The following ZNF518B variants were observed in gnomAD, a reference collection of about 807,000 sequenced individuals.
ZNF518B encodes zinc finger protein 518B.
ZNF518B carries 23 observed loss-of-function variants against 56.3 expected under a neutral mutation model. The ratio of observed to expected loss-of-function variants is 0.41; its 90% CI spans 0.29 to 0.58. The LOEUF (loss-of-function observed/expected upper bound fraction) is 0.58, where lower values mean the gene tolerates loss of function less well. Ranked by LOEUF, ZNF518B falls within the 20% of genes least tolerant of loss-of-function variation. ZNF518B has a pLI of 0.32. For synonymous variants in ZNF518B, 529 were observed against 465.9 expected (o/e 1.14, Z -1.74); for missense variants, 1,460 against 1,272.1 (o/e 1.15, Z -2.25).
intron 2 of ZNF518B, chr4:10,451,657 C>A (rs1715316739): frequency 6.6e-6 from 1 of 152,138 alleles, no homozygotes; most frequent in African/African-American, 2.4e-5. Flanking sequence ...TGCCCTGAAT[C>A]TCACTTTATA....
chr4:10,448,014 T>C (rs1026920935), intron 2 of ZNF518B, among the ~76,000 whole-genome samples: 1 of 152,168 alleles, frequency 6.6e-6, no homozygotes, highest in African/African-American at 2.4e-5. Flanking sequence ...ACTAGGAGCA[T>C]AACAAAATCC....
chr4:10,451,363 T>C (rs1267680152), intron 2 of ZNF518B: 3 of 152,206 alleles, frequency 2.0e-5, no homozygotes, highest in East Asian at 1.9e-4. Flanking sequence ...TGTTTAAAGG[T>C]AGAGATTCTG....
At chr4:10,448,898 G>A (rs939866122) in intron 2 of ZNF518B, among the ~76,000 whole-genome samples, 1 of 152,188 alleles carries the variant, frequency 6.6e-6, no homozygotes, top group Non-Finnish European at 1.5e-5. Context: ...AAGGAAGACA[G>A]AAGTAACTCC....
At position 10,446,030 on chromosome 4, in the gene ZNF518B, A is replaced by G. The variant is rs1269388723; in HGVS notation, c.299T>C (p.Phe100Ser). The change falls in exon 3 of 3, where the codon TTT becomes TCT. Residue 100 changes from phenylalanine (F) to serine (S), a missense_variant. By Grantham distance (155) the Phe-to-Ser change is radical. Transcript: ENST00000326756. ...SLGAAPPNFH[F>S]VSNNSSATHV... ...AGTCGCACTGGAATTATTGCTCACA[A>G]AATGAAAATTGGGAGGAGCTGCACC... The G allele has an allele frequency of 6.2e-7, 1 of 1,614,168 alleles. No homozygotes were observed. Among genetic ancestry groups the G allele is most frequent in the Non-Finnish European group, 8.5e-7 (1 of 1,180,046 alleles).
At chr4:10,450,427 G>C (rs1715252259) in intron 2 of ZNF518B, among the ~76,000 whole-genome samples, 1 of 152,194 alleles carries the variant, frequency 6.6e-6, no homozygotes, top group Admixed American at 6.5e-5. Context: ...CCTGTGTCTA[G>C]TAACAGAGGG....
At chr4:10,453,013 GAAT>G (rs1715385400) in intron 2 of ZNF518B, 1 of 152,244 alleles carries the variant, frequency 6.6e-6, no homozygotes, top group African/African-American at 2.4e-5. Context: ...ACACAGTAGA[GAAT>G]AATGACCTTG....
chr4:10,446,198 A>T lies in ZNF518B; in HGVS notation c.131T>A (p.Leu44Ter). Residue 44 changes from leucine (L) to a stop codon, truncating the protein, a stop_gained, in exon 3 of 3, where the codon TTG becomes TAG. Coordinates refer to ENST00000326756, the MANE Select transcript of ZNF518B (RefSeq NM_053042.3). LOFTEE classifies it low-confidence loss of function (END_TRUNC). ...AGCCTCTGCCTCTGAGCCTTGATACAAAAGGGTTTGTGCTTCTTGTCTATT... is the reference window on the plus strand; with the variant it reads ...AGCCTCTGCCTCTGAGCCTTGATACTAAAGGGTTTGTGCTTCTTGTCTATT... ...RPNRQEAQTL[L>*]YQGSEAEAAM... is the part of the protein sequence containing the mutation. 6.2e-7 allele frequency: 1 copy of T among 1,614,190 alleles called. No homozygotes were observed. The highest frequency in any genetic ancestry group is 8.5e-7 in the Non-Finnish European group (1 of 1,180,040).
In ZNF518B at chr4:10,444,137, C is replaced by T. The variant is rs745757196; in HGVS notation, c.2192G>A (p.Gly731Asp). 2.5e-6 allele frequency: 4 copies of T among 1,614,100 alleles called. No individual in the cohort carries two copies. Among genetic ancestry groups the T allele is most frequent in the East Asian group, 4.5e-5 (2 of 44,898 alleles). ...AAGCTGTCTATTACCAGTAATACCA[C>T]CATCATTCGGAGGTTTCTGAAGAGT... ...TGTLQKPPND[G>D]GITGNRQLTH... The change falls in exon 3 of 3, where the codon GGT becomes GAT. Residue 731 changes from glycine (G) to aspartate (D), a missense_variant. Gly to Asp is a moderately conservative substitution (Grantham distance 94, BLOSUM62 -1). Coordinates refer to ENST00000326756, the MANE Select transcript of ZNF518B (RefSeq NM_053042.3).
At position 10,444,756 on chromosome 4, in the gene ZNF518B, G is replaced by GT. The variant is rs868656423; in HGVS notation, c.1572dup (p.Gln525ThrfsTer26). The GT allele has an allele frequency of 6.2e-7, 1 of 1,613,806 alleles. No individual in the cohort carries two copies. Among genetic ancestry groups the GT allele is most frequent in the African/African-American group, 1.3e-5 (1 of 75,046 alleles). On this transcript the variant is annotated frameshift_variant, in exon 3 of 3. Transcript: ENST00000326756. LOFTEE classifies it high-confidence loss of function. ...GATGCAGCAAATGGGAGTAACTGCT[G>GT]TGAGCTACTGTGTAAATTTCTTCCA... is the stretch of plus-strand genomic sequence containing the variant.
chr4:10,448,416 C>T (rs576818971), intron 2 of ZNF518B, among the ~76,000 whole-genome samples: 3 of 152,144 alleles, frequency 2.0e-5, no homozygotes, highest in East Asian at 1.9e-4. Flanking sequence ...GCAACAGTAA[C>T]GCACTCAGAT....
intron 2 of ZNF518B, among the ~76,000 whole-genome samples, chr4:10,448,360 G>A (rs1474527184): frequency 2.6e-5 from 4 of 152,214 alleles, no homozygotes; most frequent in South Asian, 2.1e-4. Context: ...CTGAAAGACC[G>A]ACGTCGGGGA....
upstream of ZNF518B, among the ~76,000 whole-genome samples, chr4:10,461,341 C>G (rs773336471): frequency 3.3e-4 from 50 of 152,202 alleles, no homozygotes; most frequent in Non-Finnish European, 6.8e-4. Context: ...CCGCGGCTGC[C>G]GCGGAAGCGC....
chr4:10,450,277 GTTTGAA>G (rs1715246053), intron 2 of ZNF518B, among the ~76,000 whole-genome samples: 2 of 152,210 alleles, frequency 1.3e-5, no homozygotes, highest in South Asian at 4.1e-4. Flanking sequence ...TATGTCACCT[GTTTGAA>G]AGTATCTTCT....
intron 2 of ZNF518B, chr4:10,453,858 T>C (rs984184917): frequency 5.3e-5 from 8 of 152,224 alleles, no homozygotes; most frequent in African/African-American, 1.7e-4. Flanking sequence ...ATTAGGGCAA[T>C]TGGCCTGTCA....
chr4:10,443,576 T>C lies in ZNF518B; in HGVS notation c.2753A>G (p.Gln918Arg). The C allele has an allele frequency of 6.2e-7, 1 of 1,614,220 alleles. No individual in the cohort carries two copies. Among genetic ancestry groups the C allele is most frequent in the African/African-American group, 1.3e-5 (1 of 75,066 alleles). The part of the protein sequence containing the change: ...SRCLKDPSIF[Q>R]VARQLRLIAA... ...TATCAGTCTTAGTTGCCTTGCAACCTGAAAAATTGAAGGATCCTTGAGACA... is the reference window on the plus strand; with the variant it reads ...TATCAGTCTTAGTTGCCTTGCAACCCGAAAAATTGAAGGATCCTTGAGACA... The change falls in exon 3 of 3, where the codon CAG (glutamine) becomes CGG (arginine). Residue 918 changes from glutamine (Q) to arginine (R), a missense_variant. Gln to Arg is a conservative substitution (Grantham distance 43). Transcript: ENST00000326756.
rs1264892948 is a variant in ZNF518B at position 10,441,495 on chromosome 4, G to A, written c.*1609C>T. 6.6e-6 allele frequency: 1 copy of A among 151,960 alleles called. No homozygotes were observed. Among genetic ancestry groups the A allele is most frequent in the Non-Finnish European group, 1.5e-5 (1 of 67,990 alleles). 9.4% of individuals were successfully genotyped at this position (151,960 alleles called of 1,614,324 possible). A position where few individuals can be genotyped will look rare whatever the true frequency, so the allele number is the denominator to read the frequency against. On this transcript the variant is annotated 3_prime_UTR_variant, in exon 3 of 3. Coordinates refer to ENST00000326756, the MANE Select transcript of ZNF518B (RefSeq NM_053042.3). ...TCGACTACCCAATAAACAATCACTG[G>A]TGTCTTTTTCAGGTGCAACAACTCT...
chr4:10,451,348 CAT>C (rs1267886652), intron 2 of ZNF518B: 1 of 152,098 alleles, frequency 6.6e-6, no homozygotes, highest in Non-Finnish European at 1.5e-5. Flanking sequence ...TAAGTGGTAA[CAT>C]AGTGTTTAAA....
upstream of ZNF518B, chr4:10,457,499 G>C (rs1288726012): frequency 1.3e-5 from 2 of 152,208 alleles, no homozygotes; most frequent in Admixed American, 1.3e-4. Flanking sequence ...AGGTCTCTAA[G>C]GCTGCGCCCG....
At chr4:10,448,165 A>G (rs996030548) in intron 2 of ZNF518B, among the ~76,000 whole-genome samples, 2 of 152,220 alleles carry the variant, frequency 1.3e-5, no homozygotes, top group Non-Finnish European at 2.9e-5. Context: ...TGATGATTAG[A>G]ATGCTAGAGT....
Sources: allele counts gnomAD v4.1 joint callset (sites outside exome capture counted in the v4.1 genomes callset), GRCh38; gene constraint gnomAD v4.1.1; transcripts MANE v1.5; gene names NCBI Gene and HGNC (gene_info 2026-07-23, HGNC 2026-07-21).